The following ZNF565 variants were observed in gnomAD, a reference collection of about 807,000 sequenced individuals.
ZNF565 encodes the protein zinc finger protein 565.
In ZNF565, 27 loss-of-function variants were observed where a neutral mutation model predicts 39.4. The observed-to-expected ratio is 0.69, with a 90% CI of 0.51 to 0.95. The LOEUF is 0.95. Ranked by LOEUF, ZNF565 falls within the 40% of genes least tolerant of loss-of-function variation. The pLI is 0.00. For synonymous variants in ZNF565, 185 were observed against 216.6 expected (o/e 0.85, Z 1.28); for missense variants, 524 against 621.1 (o/e 0.84, Z 1.66).
In ZNF565 at chr19:36,245,566, G is replaced by T. The variant is rs1335152882; in HGVS notation, c.-36C>A. The T allele has an allele frequency of 1.4e-6, 1 of 702,086 alleles. No individual in the cohort carries two copies. The highest frequency in any genetic ancestry group is 2.6e-6 in the Non-Finnish European group (1 of 384,764). 43.5% of individuals were successfully genotyped at this position (702,086 alleles called of 1,614,324 possible). ...GCTTGCTCTGGACTACATTTCCCAG[G>T]GTCCACCGCGGATCTAGGAGGAGGC... On this transcript the variant is annotated 5_prime_UTR_variant, in exon 1 of 5. Transcript: ENST00000355114. This position sits in a 1 kb window ranked among gnomAD's most constrained non-coding sequence, Gnocchi z 4.4.
chr19:36,201,005 A>AG (rs531446464), intron 2 of ZNF565, among the ~76,000 whole-genome samples: 2 of 152,076 alleles, frequency 1.3e-5, no homozygotes, highest in Admixed American at 1.3e-4. Flanking sequence ...CTTTTTAAAG[A>AG]GGGGGTGACA....
At chr19:36,197,611 G>A (rs145725089) in intron 2 of ZNF565, among the ~76,000 whole-genome samples, 1 of 152,076 alleles carries the variant, frequency 6.6e-6, no homozygotes, top group Non-Finnish European at 1.5e-5. Flanking sequence ...AAGATACGTC[G>A]ATTCCATTAT....
At chr19:36,197,316 A>G (rs754259756) in intron 2 of ZNF565, among the ~76,000 whole-genome samples, 1 of 149,742 alleles carries the variant, frequency 6.7e-6, no homozygotes, top group Non-Finnish European at 1.5e-5. Flanking sequence ...AACCCCCAAA[A>G]AAGAAATTAG....
At chr19:36,241,433 G>A (rs968191863) in intron 1 of ZNF565, among the ~76,000 whole-genome samples, 15 of 148,520 alleles carry the variant, frequency 1.0e-4, no homozygotes, top group African/African-American at 3.7e-4. Flanking sequence ...GCAGTGAGCC[G>A]AGATCGTGCC....
chr19:36,236,663 A>C (rs1977656270), intron 1 of ZNF565: 2 of 1,614,228 alleles, frequency 1.2e-6, no homozygotes, highest in African/African-American at 2.7e-5. Flanking sequence ...TTTCGAATGT[A>C]ATGAATGTGG....
chr19:36,192,466 T>C (rs1599921311), intron 4 of ZNF565, among the ~76,000 whole-genome samples: 1 of 151,956 alleles, frequency 6.6e-6, no homozygotes, highest in Non-Finnish European at 1.5e-5. Context: ...GCTGGCTGGG[T>C]GCAGTGGCTC....
chr19:36,196,089 G>A (rs190630103), intron 2 of ZNF565, among the ~76,000 whole-genome samples: 75 of 151,750 alleles, frequency 4.9e-4, no homozygotes, highest in Admixed American at 1.2e-3. Context: ...GGTGTGCGCC[G>A]CCACACTTGG....
At chr19:36,240,445 AG>A (rs1977778479) in intron 1 of ZNF565, among the ~76,000 whole-genome samples, 1 of 152,202 alleles carries the variant, frequency 6.6e-6, no homozygotes, top group African/African-American at 2.4e-5. Flanking sequence ...GGAAAAACAC[AG>A]GGATGGAGAC....
chr19:36,216,879 A>T (rs1452687383), upstream of ZNF565, among the ~76,000 whole-genome samples: 4 of 50,630 alleles, frequency 7.9e-5, no homozygotes, highest in East Asian at 2.0e-3. Context: ...CCAAGGCAGG[A>T]GGATGGCTAG....
intron 1 of ZNF565, among the ~76,000 whole-genome samples, chr19:36,209,452 G>A (rs1433748358): frequency 6.6e-6 from 1 of 152,040 alleles, no homozygotes; most frequent in Non-Finnish European, 1.5e-5. Flanking sequence ...CCGAGATTGC[G>A]CCATTGCACG....
intron 2 of ZNF565, among the ~76,000 whole-genome samples, chr19:36,198,116 T>C (rs1217582542): frequency 1.3e-5 from 2 of 150,230 alleles, no homozygotes; most frequent in Non-Finnish European, 3.0e-5. Flanking sequence ...GCAACAAGAA[T>C]GAAATTCCGT....
At chr19:36,211,607 C>T (rs571009479) in intron 1 of ZNF565, among the ~76,000 whole-genome samples, 42 of 151,876 alleles carry the variant, frequency 2.8e-4, no homozygotes, top group African/African-American at 9.9e-4. Context: ...TCCTGGCTAA[C>T]ACGGTGAAAC....
chr19:36,189,496 A>G (rs1299777957), intron 4 of ZNF565, among the ~76,000 whole-genome samples: 1 of 142,934 alleles, frequency 7.0e-6, no homozygotes, highest in Non-Finnish European at 1.5e-5. Context: ...TTTTTTTTGT[A>G]CTTTTCATAG....
intron 1 of ZNF565, among the ~76,000 whole-genome samples, chr19:36,206,668 T>C (rs1371293055): frequency 6.6e-6 from 1 of 151,962 alleles, no homozygotes; most frequent in Non-Finnish European, 1.5e-5. Flanking sequence ...CCGTCTCTAC[T>C]AAAAATACAA....
At chr19:36,233,954 G>A (rs10403738) in intron 1 of ZNF565, among the ~76,000 whole-genome samples, 39,381 of 151,964 alleles carry the variant, frequency 0.26, 5,512 homozygotes, top group African/African-American at 0.37. Flanking sequence ...TTCCCTTCCC[G>A]CGGGGCCATA....
intron 1 of ZNF565, chr19:36,237,881 C>T (rs775299666): frequency 6.0e-6 from 1 of 166,970 alleles, no homozygotes; most frequent in Admixed American, 6.5e-5. Context: ...AGACCATGAA[C>T]TATACACAAA....
chr19:36,219,284 C>T (rs771850910), upstream of ZNF565, among the ~76,000 whole-genome samples: 2 of 152,142 alleles, frequency 1.3e-5, no homozygotes, highest in Non-Finnish European at 1.5e-5. Flanking sequence ...AGCCCCACCC[C>T]CGCAGTGGTT....
At chr19:36,194,482 A>G in intron 3 of ZNF565, 154 bp from the exon 4 acceptor site, 1 of 551,956 alleles carries the variant, frequency 1.8e-6, no homozygotes, top group Non-Finnish European at 3.1e-6. Flanking sequence ...ACTTGTTTCT[A>G]GTTCCACAAA....
intron 1 of ZNF565, chr19:36,237,408 C>T (rs1977684253): frequency 6.9e-7 from 1 of 1,458,050 alleles, no homozygotes; most frequent in Admixed American, 2.5e-5. Context: ...TGAAGCAAAG[C>T]ACCACGAATG....
Sources: gnomAD v4.1 joint callset for allele counts (sites outside exome capture counted in the v4.1 genomes callset) on GRCh38, gnomAD v4.1.1 for gene constraint, Gnocchi (gnomAD v3.1) non-coding constraint, MANE v1.5 for transcripts, NCBI Gene and HGNC (gene_info 2026-07-23, HGNC 2026-07-21) for gene names.